NYAP2: variants seen among roughly 807,000 people sequenced by gnomAD.
The protein encoded by NYAP2 is neuronal tyrosine-phosphorylated phosphoinositide-3-kinase adapter 2.
A neutral mutation model predicts 50.4 loss-of-function variants in NYAP2; 23 were observed. That is an observed-to-expected ratio of 0.46 (90% confidence interval 0.33 to 0.65). NYAP2 has a LOEUF of 0.65. NYAP2 is among the 30% of genes least tolerant of loss of function. The pLI, the probability that NYAP2 is intolerant of heterozygous loss-of-function variation, is 0.02. For synonymous variants in NYAP2, 394 were observed against 365.2 expected (o/e 1.08, Z -0.90); for missense variants, 885 against 861.0 (o/e 1.03, Z -0.35).
chr2:225,697,103 T>C, the NYAP2 span, among the ~76,000 whole-genome samples: 638 of 152,044 alleles, frequency 4.2e-3, 6 homozygotes, highest in African/African-American at 0.014. Flanking sequence ...ACAACCTAGC[T>C]GAGCTCATGG....
At chr2:225,499,081 CAG>C (rs10610327) in intron 3 of NYAP2, among the ~76,000 whole-genome samples, 34,724 of 151,666 alleles carry the variant, frequency 0.23, 4,021 homozygotes, top group African/African-American at 0.28. Flanking sequence ...AAAGGGGAAA[CAG>C]AACTTTGACC....
intron 4 of NYAP2, among the ~76,000 whole-genome samples, chr2:225,529,525 A>G (rs1015887712): frequency 1.3e-5 from 2 of 152,008 alleles, no homozygotes; most frequent in African/African-American, 2.4e-5. Flanking sequence ...GGGTTTTGCC[A>G]TGTTGGACAG....
intron 3 of NYAP2, among the ~76,000 whole-genome samples, chr2:225,422,447 C>G (rs1695230175): frequency 1.3e-5 from 2 of 151,994 alleles, no homozygotes; most frequent in South Asian, 4.2e-4. Flanking sequence ...TGACTCATGA[C>G]AAATTTTTTT....
chr2:225,637,353 T>C (rs1317063689), intron 6 of NYAP2, among the ~76,000 whole-genome samples: 1 of 152,202 alleles, frequency 6.6e-6, no homozygotes, highest in Non-Finnish European at 1.5e-5. Flanking sequence ...GACTTCACTG[T>C]AGGCTGTTCT....
At position 225,592,339 on chromosome 2, in the gene NYAP2, C is replaced by A. The variant is rs953820980; in HGVS notation, c.1618+9304C>A. Among the ~76,000 whole-genome samples, 29 of 152,120 alleles carry A rather than the reference C, an allele frequency of 1.9e-4. 1 individual carries two copies. Among genetic ancestry groups the A allele is most frequent in the African/African-American group, 6.5e-4 (27 of 41,396 alleles). ...TAGTTGATTAATCAAAAACCCCAGC[C>A]AATGCACCAAAGCAATGAGCACCCT... On this transcript the variant is annotated intron_variant, in intron 5 of 6. Coordinates refer to ENST00000636099, the Ensembl canonical transcript of NYAP2.
chr2:225,476,854 G>A (rs1690116823), intron 3 of NYAP2, among the ~76,000 whole-genome samples: 1 of 152,090 alleles, frequency 6.6e-6, no homozygotes, highest in African/African-American at 2.4e-5. Context: ...ATGAGTTTCA[G>A]TATGTTACCT....
At chr2:225,531,301 T>C (rs1283056042) in intron 4 of NYAP2, among the ~76,000 whole-genome samples, 1 of 152,222 alleles carries the variant, frequency 6.6e-6, no homozygotes, top group African/African-American at 2.4e-5. Context: ...TTCTGGAGTT[T>C]CTTTTCCAAG....
At chr2:225,450,409 T>C (rs1689631048) in intron 3 of NYAP2, among the ~76,000 whole-genome samples, 1 of 152,194 alleles carries the variant, frequency 6.6e-6, no homozygotes, top group Non-Finnish European at 1.5e-5. Flanking sequence ...CAAGGTGTCC[T>C]AGTGGAATTT....
chr2:225,408,874 T>A (rs1326781138), exon 3 of NYAP2: 1 of 1,591,546 alleles, frequency 6.3e-7, no homozygotes, highest in Admixed American at 1.7e-5. Flanking sequence ...GCAGTGTTCC[T>A]CTTTACATGA....
intron 6 of NYAP2, among the ~76,000 whole-genome samples, chr2:225,636,447 C>T (rs1050365205): frequency 6.6e-6 from 1 of 151,822 alleles, no homozygotes; most frequent in African/African-American, 2.4e-5. Context: ...TAATTATTCC[C>T]CTCTCCCTGT....
chr2:225,535,049 T>G (rs999176987), intron 4 of NYAP2, among the ~76,000 whole-genome samples: 10 of 152,230 alleles, frequency 6.6e-5, no homozygotes, highest in African/African-American at 1.7e-4. Flanking sequence ...GATACTGCAC[T>G]GCACTACATA....
rs143281315 is a variant in NYAP2 at position 225,538,752 on chromosome 2, A to ATTTTCTTTTCTTTTCTTTTCTTTTC, written c.523+25089_523+25113dup. Reference sequence around the variant, plus strand: ...CTTGAATTTCTCCTCAGAAAATGAGATTTTCTTTTCTTTTCTTTTCTTTTC... The same window carrying ATTTTCTTTTCTTTTCTTTTCTTTTC: ...CTTGAATTTCTCCTCAGAAAATGAGATTTTCTTTTCTTTTCTTTTCTTTTCTTTTCTTTTCTTTTCTTTTCTTTTC... On this transcript the variant is annotated intron_variant, in intron 4 of 6. Coordinates refer to ENST00000636099, the Ensembl canonical transcript of NYAP2. 6.9e-4 allele frequency among the ~76,000 whole-genome samples: 86 copies of ATTTTCTTTTCTTTTCTTTTCTTTTC among 124,106 alleles called. 4 individuals carry two copies. Among genetic ancestry groups the ATTTTCTTTTCTTTTCTTTTCTTTTC allele is most frequent in the African/African-American group, 9.8e-4 (31 of 31,660 alleles). The allele number at this position is 124,106 out of a possible 152,430, so 81.4% of individuals were successfully genotyped here.
intron 2 of NYAP2, among the ~76,000 whole-genome samples, chr2:225,407,310 CAG>C (rs1694958031): frequency 6.6e-6 from 1 of 151,928 alleles, no homozygotes; most frequent in Non-Finnish European, 1.5e-5. Context: ...TCAATTACAC[CAG>C]ATAGTTGGAA....
chr2:225,585,003 A>T (rs1477995297), intron 5 of NYAP2, among the ~76,000 whole-genome samples: 1 of 152,208 alleles, frequency 6.6e-6, no homozygotes, highest in Non-Finnish European at 1.5e-5. Flanking sequence ...AAAGCCAGAG[A>T]TGCTGCTTAA....
chr2:225,625,875 G>A (rs1002960814), intron 5 of NYAP2, among the ~76,000 whole-genome samples: 1 of 152,162 alleles, frequency 6.6e-6, no homozygotes, highest in Non-Finnish European at 1.5e-5. Context: ...TATACTTTGA[G>A]GAGTCAAGGA....
At chr2:225,528,840 G>GAAAT (rs1262887483) in intron 4 of NYAP2, among the ~76,000 whole-genome samples, 2 of 152,176 alleles carry the variant, frequency 1.3e-5, no homozygotes, top group Non-Finnish European at 2.9e-5. Context: ...ATTTTGGTGA[G>GAAAT]AAATATGAGA....
At chr2:225,460,228 C>T (rs545907136) in intron 3 of NYAP2, among the ~76,000 whole-genome samples, 5 of 152,256 alleles carry the variant, frequency 3.3e-5, no homozygotes, top group African/African-American at 1.2e-4. Flanking sequence ...CTTACAGATA[C>T]TATATAATTA....
At chr2:225,559,532 A>G (rs908441096) in intron 4 of NYAP2, among the ~76,000 whole-genome samples, 1 of 152,100 alleles carries the variant, frequency 6.6e-6, no homozygotes, top group Admixed American at 6.6e-5. Context: ...CAGTAACCTC[A>G]TTCCTTTACT....
intron 3 of NYAP2, among the ~76,000 whole-genome samples, chr2:225,490,818 G>A: frequency 6.6e-6 from 1 of 152,222 alleles, no homozygotes; most frequent in East Asian, 1.9e-4. Flanking sequence ...TTTGTTATTA[G>A]TTTCCGTGAC....
Sources: gnomAD v4.1 joint callset for allele counts (sites outside exome capture counted in the v4.1 genomes callset) on GRCh38, gnomAD v4.1.1 for gene constraint, MANE v1.5 for transcripts, NCBI Gene and HGNC (gene_info 2026-07-23, HGNC 2026-07-21) for gene names.